Variants in RIC3 observed in about 807,000 individuals in gnomAD.
RIC3 encodes protein RIC-3.
RIC3 carries 28 observed loss-of-function variants against 27.3 expected under a neutral mutation model. The ratio of observed to expected loss-of-function variants is 1.02; its 90% confidence interval spans 0.76 to 1.41. The LOEUF is 1.41. Among genes scored for constraint, RIC3 ranks in the 40% most tolerant of loss-of-function variants. The pLI is 0.00. For synonymous variants in RIC3, 184 were observed against 160.4 expected (o/e 1.15, Z -1.11); for missense variants, 501 against 444.7 (o/e 1.13, Z -1.14).
At chr11:8,132,406 T>C (rs1419388517) in intron 4 of RIC3, among the ~76,000 whole-genome samples, 2 of 152,166 alleles carry the variant, frequency 1.3e-5, no homozygotes, top group East Asian at 1.9e-4. Flanking sequence ...TATGTGTGTG[T>C]TGTGGGGGAA....
At chr11:8,097,804 G>A in the RIC3 span, 1 of 1,613,936 alleles carries the variant, frequency 6.2e-7, no homozygotes, top group East Asian at 2.2e-5. Flanking sequence ...TCGAGGAGGG[G>A]ACAGCTATAT....
At chr11:8,159,406 G>C (rs1385614015) in intron 1 of RIC3, among the ~76,000 whole-genome samples, 1 of 152,278 alleles carries the variant, frequency 6.6e-6, no homozygotes, top group Non-Finnish European at 1.5e-5. Flanking sequence ...GTCATGTATA[G>C]ACTATCTTTT....
At chr11:8,102,236 T>TA (rs1944339060), downstream of RIC3, 1 of 152,046 alleles carries the variant, frequency 6.6e-6, no homozygotes, top group Non-Finnish European at 1.5e-5. Flanking sequence ...GGATTGCAGG[T>TA]GCCTGGCTTG....
At chr11:8,137,771 A>G (rs753193152) in intron 3 of RIC3, among the ~76,000 whole-genome samples, 5 of 152,090 alleles carry the variant, frequency 3.3e-5, no homozygotes, top group Non-Finnish European at 7.4e-5. Context: ...CGGGTGGTAA[A>G]TTTTTCATAG....
chr11:8,166,239 C>T (rs1951684976), intron 1 of RIC3, among the ~76,000 whole-genome samples: 1 of 152,162 alleles, frequency 6.6e-6, no homozygotes, highest in Non-Finnish European at 1.5e-5. Flanking sequence ...GTCTACTTTC[C>T]TTTACTAAAC....
intron 4 of RIC3, among the ~76,000 whole-genome samples, chr11:8,127,239 T>A (rs1947094903): frequency 6.6e-6 from 1 of 152,208 alleles, no homozygotes; most frequent in Non-Finnish European, 1.5e-5. Context: ...GCCATTAGCA[T>A]CAACCGGGGA....
At chr11:8,097,607 G>A in the RIC3 span, 2 of 1,297,766 alleles carry the variant, frequency 1.5e-6, no homozygotes, top group African/African-American at 1.5e-5. Flanking sequence ...GTGCACATAT[G>A]TGCGTTTGGG....
intron 5 of RIC3, among the ~76,000 whole-genome samples, chr11:8,118,196 C>G (rs1946070763): frequency 1.4e-5 from 2 of 144,782 alleles, no homozygotes; most frequent in South Asian, 4.3e-4. Flanking sequence ...GCACTCAAGC[C>G]TGGGCATGAC....
the RIC3 span, among the ~76,000 whole-genome samples, chr11:8,094,544 G>A: frequency 2.0e-5 from 3 of 152,198 alleles, no homozygotes; most frequent in Admixed American, 2.0e-4. Context: ...ACTGCACTGG[G>A]GGCTGACTGC....
chr11:8,142,120 G>C (rs1277999772), intron 1 of RIC3, among the ~76,000 whole-genome samples: 2 of 146,392 alleles, frequency 1.4e-5, no homozygotes, highest in African/African-American at 5.2e-5. Flanking sequence ...AAAAGAACTA[G>C]AAAAGCAAGA....
intron 4 of RIC3, among the ~76,000 whole-genome samples, chr11:8,131,595 A>T (rs1947717483): frequency 6.6e-6 from 1 of 152,012 alleles, no homozygotes; most frequent in African/African-American, 2.4e-5. Context: ...AAAACATACA[A>T]ATGCTTAATC....
intron 4 of RIC3, among the ~76,000 whole-genome samples, chr11:8,131,900 CAAAAAAAAAAAAAAAAAA>C (rs796158730): frequency 3.8e-5 from 1 of 26,176 alleles, no homozygotes; most frequent in East Asian, 2.2e-3. Flanking sequence ...GACTCCATCT[CAAAAAAAAAAAAAAAAAA>C]AAAAAAAAAG....
At chr11:8,137,813 A>C (rs1457659630) in intron 3 of RIC3, among the ~76,000 whole-genome samples, 2 of 152,202 alleles carry the variant, frequency 1.3e-5, no homozygotes, top group Non-Finnish European at 2.9e-5. Flanking sequence ...TCTAGTCTAT[A>C]AATTCTTGAG....
chr11:8,138,597 A>G (rs981535221), intron 2 of RIC3: 28 of 436,598 alleles, frequency 6.4e-5, no homozygotes, highest in Non-Finnish European at 5.2e-5. Flanking sequence ...TACTCCCCAT[A>G]TAATTAGGAA....
chr11:8,151,103 AC>A (rs1950181652), intron 1 of RIC3, among the ~76,000 whole-genome samples: 1 of 152,220 alleles, frequency 6.6e-6, no homozygotes, highest in Non-Finnish European at 1.5e-5. Context: ...TAGACAGGAC[AC>A]CAAAAGCACA....
intron 4 of RIC3, among the ~76,000 whole-genome samples, chr11:8,128,001 C>A (rs1158726594): frequency 1.3e-5 from 2 of 152,238 alleles, no homozygotes; most frequent in African/African-American, 4.8e-5. Flanking sequence ...TTCTTCCACA[C>A]CAAGCAGCTT....
chr11:8,157,049 G>A (rs564606470), intron 1 of RIC3, among the ~76,000 whole-genome samples: 32 of 152,272 alleles, frequency 2.1e-4, no homozygotes, highest in Admixed American at 1.3e-3. Context: ...AGCTGGCTTG[G>A]TACTCACAGA....
intron 1 of RIC3, among the ~76,000 whole-genome samples, chr11:8,150,494 T>C (rs1169886462): frequency 6.6e-6 from 1 of 152,192 alleles, no homozygotes; most frequent in Non-Finnish European, 1.5e-5. Context: ...TTCCAGTTGT[T>C]GATGGAATAC....
downstream of RIC3, chr11:8,101,344 T>C: frequency 8.6e-7 from 1 of 1,163,662 alleles, no homozygotes; most frequent in Non-Finnish European, 1.2e-6. Flanking sequence ...TGGCCTTTGT[T>C]TTACTTCCCT....
Sources: allele counts gnomAD v4.1 joint callset (sites outside exome capture counted in the v4.1 genomes callset), GRCh38; gene constraint gnomAD v4.1.1; transcripts MANE v1.5; gene names NCBI Gene and HGNC (gene_info 2026-07-23, HGNC 2026-07-21).